Variants in UNC13C observed in about 807,000 individuals in gnomAD.
UNC13C encodes unc-13 homolog C.
In UNC13C, 174 loss-of-function variants were observed where a neutral mutation model predicts 245.4. The observed-to-expected ratio is 0.71, with a 90% CI of 0.63 to 0.80. The LOEUF is 0.80. Among genes scored for constraint, UNC13C ranks in the 30% least tolerant of loss-of-function variants. The pLI is 0.00. For missense variants in UNC13C, 2,829 were observed against 2,602.9 expected (o/e 1.09, Z -1.89); for synonymous variants, 992 against 895.1 (o/e 1.11, Z -1.93).
chr15:54,569,083 T>G (rs1472089482), intron 30 of UNC13C, among the ~76,000 whole-genome samples: 1 of 152,196 alleles, frequency 6.6e-6, no homozygotes, highest in Non-Finnish European at 1.5e-5. Context: ...TTTCTAAACT[T>G]TATAAATACG....
intron 17 of UNC13C, among the ~76,000 whole-genome samples, chr15:54,344,116 A>G (rs1390794888): frequency 1.3e-5 from 2 of 152,202 alleles, no homozygotes; most frequent in African/African-American, 4.8e-5. Context: ...CTGGTTAAAA[A>G]GAGAGCTCAG....
intron 28 of UNC13C, among the ~76,000 whole-genome samples, chr15:54,550,197 T>A (rs1321393482): frequency 6.6e-6 from 1 of 152,186 alleles, no homozygotes; most frequent in African/African-American, 2.4e-5. Flanking sequence ...GCTATTTTTA[T>A]TCCATTTCTA....
chr15:53,891,468 A>T, the UNC13C span, among the ~76,000 whole-genome samples: 1 of 152,060 alleles, frequency 6.6e-6, no homozygotes, highest in Non-Finnish European at 1.5e-5. Flanking sequence ...TGGGATGTTA[A>T]AGTCTCCCAC....
At chr15:54,158,424 G>C (rs1244408910) in intron 4 of UNC13C, among the ~76,000 whole-genome samples, 1 of 151,620 alleles carries the variant, frequency 6.6e-6, no homozygotes, top group Non-Finnish European at 1.5e-5. Context: ...CACCTCCCGG[G>C]TTCTCACCAT....
chr15:54,401,866 T>A (rs1224806531), intron 18 of UNC13C, among the ~76,000 whole-genome samples: 1 of 152,236 alleles, frequency 6.6e-6, no homozygotes, highest in East Asian at 1.9e-4. Context: ...TTTCTTGGGT[T>A]CCAGTACAAT....
At chr15:54,487,295 G>A (rs1240451826) in intron 19 of UNC13C, among the ~76,000 whole-genome samples, 1 of 152,132 alleles carries the variant, frequency 6.6e-6, no homozygotes, top group Non-Finnish European at 1.5e-5. Flanking sequence ...TTTGGCATGA[G>A]TTTCAGTGGT....
chr15:54,336,077 CT>C (rs939781105), intron 16 of UNC13C, among the ~76,000 whole-genome samples: 1 of 151,746 alleles, frequency 6.6e-6, no homozygotes, highest in Non-Finnish European at 1.5e-5. Context: ...ATCTGAATAT[CT>C]TTTTTTGTGA....
At chr15:54,333,292 A>T (rs1399395125) in intron 15 of UNC13C, among the ~76,000 whole-genome samples, 1 of 152,106 alleles carries the variant, frequency 6.6e-6, no homozygotes, top group Non-Finnish European at 1.5e-5. Context: ...ATAGTATTTC[A>T]GGAAAGACTA....
intron 19 of UNC13C, among the ~76,000 whole-genome samples, chr15:54,483,784 C>T (rs1015981716): frequency 6.6e-6 from 1 of 152,190 alleles, no homozygotes; most frequent in African/African-American, 2.4e-5. Flanking sequence ...TATTTTCTGT[C>T]TTTGCCATTG....
At chr15:53,957,516 A>G in the UNC13C span, among the ~76,000 whole-genome samples, 1 of 152,184 alleles carries the variant, frequency 6.6e-6, no homozygotes, top group Non-Finnish European at 1.5e-5. Context: ...TTTCAATATA[A>G]TTTTTAAAAA....
chr15:54,453,336 A>G (rs1596401705), intron 19 of UNC13C, among the ~76,000 whole-genome samples: 2 of 152,122 alleles, frequency 1.3e-5, no homozygotes, highest in East Asian at 3.9e-4. Flanking sequence ...CTTCTTTTAC[A>G]TGTCTCCTGT....
chr15:54,395,402 G>A (rs1173470661), intron 18 of UNC13C, among the ~76,000 whole-genome samples: 3 of 151,820 alleles, frequency 2.0e-5, no homozygotes, highest in African/African-American at 7.2e-5. Context: ...ACTAGGGTAA[G>A]GATCACATGG....
chr15:53,868,618 C>G, the UNC13C span, among the ~76,000 whole-genome samples: 1 of 151,614 alleles, frequency 6.6e-6, no homozygotes, highest in African/African-American at 2.4e-5. Flanking sequence ...TCATAGATCT[C>G]TCCCTGTTTA....
At chr15:54,226,015 A>G (rs930156250) in intron 4 of UNC13C, among the ~76,000 whole-genome samples, 2 of 152,174 alleles carry the variant, frequency 1.3e-5, no homozygotes, top group African/African-American at 4.8e-5. Context: ...TTTTAACATG[A>G]AGAGATGTTG....
chr15:54,560,899 G>C (rs1454378478), intron 29 of UNC13C, among the ~76,000 whole-genome samples: 4 of 151,890 alleles, frequency 2.6e-5, no homozygotes, highest in Admixed American at 2.0e-4. Flanking sequence ...TATAGAAAAC[G>C]CTTCACAAAT....
chr15:54,149,177 A>G (rs2032411967), intron 4 of UNC13C, among the ~76,000 whole-genome samples: 1 of 152,110 alleles, frequency 6.6e-6, no homozygotes, highest in Admixed American at 6.5e-5. Flanking sequence ...AGGATTTTAC[A>G]TTTCCTGAGG....
At chr15:53,949,262 G>A in the UNC13C span, among the ~76,000 whole-genome samples, 2 of 152,130 alleles carry the variant, frequency 1.3e-5, no homozygotes, top group African/African-American at 2.4e-5. Context: ...TGCCTGCTAC[G>A]TAGTAGATAT....
chr15:54,271,658 T>C (rs1266139511), intron 10 of UNC13C, among the ~76,000 whole-genome samples: 1 of 152,226 alleles, frequency 6.6e-6, no homozygotes, highest in Non-Finnish European at 1.5e-5. Context: ...GCTGACTCCC[T>C]GCAAGAGTTG....
At chr15:54,305,843 G>A (rs2037712079) in intron 13 of UNC13C, among the ~76,000 whole-genome samples, 1 of 152,092 alleles carries the variant, frequency 6.6e-6, no homozygotes, top group East Asian at 1.9e-4. Context: ...GACACTATTT[G>A]ATCAAAAACA....
Sources: allele counts gnomAD v4.1 joint callset (sites outside exome capture counted in the v4.1 genomes callset), GRCh38; gene constraint gnomAD v4.1.1; transcripts MANE v1.5; gene names NCBI Gene and HGNC (gene_info 2026-07-23, HGNC 2026-07-21).